Variants in PHEX observed in about 807,000 individuals in gnomAD.
The protein encoded by PHEX is phosphate-regulating neutral endopeptidase PHEX.
A neutral mutation model predicts 68.0 loss-of-function variants in PHEX; 16 were observed. The ratio of observed to expected loss-of-function variants is 0.24; its 90% CI spans 0.16 to 0.36. The LOEUF (loss-of-function observed/expected upper bound fraction) is 0.36, where lower values mean the gene tolerates loss of function less well. Ranked by LOEUF, PHEX falls within the 10% of genes least tolerant of loss-of-function variation. The pLI, the probability that PHEX is intolerant of heterozygous loss-of-function variation, is 1.00. For missense variants in PHEX, 480 were observed against 575.5 expected, an observed-to-expected ratio of 0.83 and a Z score of 1.70; for synonymous variants, 208 against 205.1, an observed-to-expected ratio of 1.01 and a Z score of -0.12.
At chrX:22,109,505 T>G (rs1930859323) in intron 9 of PHEX, among the ~76,000 whole-genome samples, 1 of 112,337 alleles carries the variant, frequency 8.9e-6, no homozygotes, top group South Asian at 3.7e-4. Flanking sequence ...GTGTGTATGC[T>G]GAAAAATATT....
At chrX:22,220,221 T>C (rs1028212526) in intron 17 of PHEX, among the ~76,000 whole-genome samples, 2 of 111,573 alleles carry the variant, frequency 1.8e-5, no homozygotes, top group African/African-American at 6.5e-5. Flanking sequence ...CAACGTTATA[T>C]AGAAGGGGAC....
chrX:22,240,361 T>C (rs1417575322), intron 20 of PHEX, among the ~76,000 whole-genome samples: 2 of 111,891 alleles, frequency 1.8e-5, no homozygotes, highest in Admixed American at 9.5e-5. Flanking sequence ...AGCAGCATAA[T>C]GACAGGATCA....
At chrX:22,216,844 T>C (rs1331710283) in intron 16 of PHEX, among the ~76,000 whole-genome samples, 1 of 111,807 alleles carries the variant, frequency 8.9e-6, no homozygotes, top group Non-Finnish European at 1.9e-5. Flanking sequence ...TTAAATACTC[T>C]TCATTGATAA....
intron 15 of PHEX, among the ~76,000 whole-genome samples, chrX:22,209,744 G>GCTCCCTCTGCTCCCTCTC (rs1934841591): frequency 2.9e-5 from 2 of 68,366 alleles, no homozygotes; most frequent in East Asian, 4.4e-4. Flanking sequence ...TGCTCCCTCT[G>GCTCCCTCTGCTCCCTCTC]CTCCCTCTCC....
chrX:22,195,409 C>T (rs754997561), intron 15 of PHEX, among the ~76,000 whole-genome samples: 7 of 109,778 alleles, frequency 6.4e-5, no homozygotes, highest in African/African-American at 1.0e-4. Flanking sequence ...GCCTGGCCGA[C>T]GTGGTGAAAC....
chrX:22,108,845 G>T (rs1164142997), intron 9 of PHEX, among the ~76,000 whole-genome samples: 1 of 109,172 alleles, frequency 9.2e-6, no homozygotes, highest in Non-Finnish European at 1.9e-5. Context: ...GGGAGGCTGA[G>T]GCAGGAGAAT....
chrX:22,038,056 T>C (rs765253410), intron 1 of PHEX, among the ~76,000 whole-genome samples: 105 of 111,079 alleles, frequency 9.5e-4, no homozygotes, highest in Non-Finnish European at 1.6e-3. Flanking sequence ...GGTGCTCATA[T>C]TTGAGCATGT....
rs1936535025 is a variant in PHEX at position 22,250,381 on chromosome X, T to A, written c.*2428T>A. On this transcript the variant is annotated 3_prime_UTR_variant, in exon 22 of 22. Coordinates refer to ENST00000379374, the MANE Select transcript of PHEX (RefSeq NM_000444.6). ...GTGGCTTTGAAGAGAAGACAGGATT[T>A]TGGCATTCCTTGCTAAGCACGTTCA... The A allele has an allele frequency of 8.9e-6, 1 of 111,813 alleles. No homozygotes were observed. Among genetic ancestry groups the A allele is most frequent in the South Asian group, 3.8e-4 (1 of 2,649 alleles). 9.2% of individuals were successfully genotyped at this position (111,813 alleles called of 1,213,427 possible). A position where few individuals can be genotyped will look rare whatever the true frequency, so the allele number is the denominator to read the frequency against.
intron 13 of PHEX, among the ~76,000 whole-genome samples, chrX:22,169,177 G>A (rs748240069): frequency 1.8e-5 from 2 of 111,965 alleles, no homozygotes; most frequent in South Asian, 7.5e-4. Context: ...ATCTGAAAAC[G>A]ATCCCAGCTT....
At chrX:22,045,630 C>G (rs1455691455) in intron 2 of PHEX, among the ~76,000 whole-genome samples, 1 of 112,705 alleles carries the variant, frequency 8.9e-6, no homozygotes, top group South Asian at 3.6e-4. Context: ...GTAGATCAGT[C>G]TATTGTGTCT....
At chrX:22,150,682 T>C (rs1268334632) in intron 12 of PHEX, among the ~76,000 whole-genome samples, 4 of 112,349 alleles carry the variant, frequency 3.6e-5, no homozygotes, top group Non-Finnish European at 7.5e-5. Flanking sequence ...TTTCCCTGTC[T>C]CAAGTTTTTG....
chrX:22,247,924 A>G lies in PHEX; in HGVS notation c.2221A>G (p.Arg741Gly), dbSNP rs1251868441. The G allele has an allele frequency of 8.3e-7, 1 of 1,207,844 alleles. No homozygotes were observed. Among genetic ancestry groups the G allele is most frequent in the Admixed American group, 2.2e-5 (1 of 46,075 alleles). Residue 741 changes from arginine (R) to glycine (G), a missense_variant, in exon 22 of 22, where the codon AGA (arginine) becomes GGA (glycine). By Grantham distance (125) the Arg-to-Gly change is moderately radical (BLOSUM62 -2). Transcript: ENST00000379374. Reference sequence around the variant, plus strand: ...CTGTCCACCCAATTCCACGATGAACAGAGGCATGGACTCCTGCCGACTCTG... The same window carrying G: ...CTGTCCACCCAATTCCACGATGAACGGAGGCATGGACTCCTGCCGACTCTG... The part of the protein sequence containing the change: ...FNCPPNSTMN[R>G]GMDSCRLW
chrX:22,205,441 C>G (rs1169702389), intron 15 of PHEX, among the ~76,000 whole-genome samples: 1 of 111,271 alleles, frequency 9.0e-6, no homozygotes, highest in African/African-American at 3.3e-5. Flanking sequence ...CATTGTGTTA[C>G]TACACTTACA....
rs140768440 is a variant in PHEX, at chrX:22,238,908, C to T, written c.2071-6425C>T. On this transcript the variant is annotated intron_variant, in intron 20 of 21. Transcript: ENST00000379374. Reference sequence around the variant, plus strand: ...TCAGACTGCCTCCTCAAGTGGGTCCCGGACCCCCGTGTATCCTGGCTGGGA... The same window carrying T: ...TCAGACTGCCTCCTCAAGTGGGTCCTGGACCCCCGTGTATCCTGGCTGGGA... Among the ~76,000 whole-genome samples, 417 of 111,751 alleles carry T rather than the reference C, an allele frequency of 3.7e-3. 2 individuals carry two copies. Among genetic ancestry groups the T allele is most frequent in the African/African-American group, 0.013 (387 of 30,817 alleles).
At chrX:22,233,834 C>G (rs1219959489) in intron 20 of PHEX, among the ~76,000 whole-genome samples, 1 of 110,970 alleles carries the variant, frequency 9.0e-6, no homozygotes, top group Non-Finnish European at 1.9e-5. Context: ...AAATCATTCT[C>G]CGTCCAGTTT....
At chrX:22,173,691 T>A (rs764139678) in intron 13 of PHEX, among the ~76,000 whole-genome samples, 1 of 111,115 alleles carries the variant, frequency 9.0e-6, no homozygotes, top group Non-Finnish European at 1.9e-5. Flanking sequence ...AGATATAAAA[T>A]ACGGATTCCA....
At chrX:22,096,267 G>A (rs1283484971) in intron 7 of PHEX, among the ~76,000 whole-genome samples, 1 of 112,692 alleles carries the variant, frequency 8.9e-6, no homozygotes, top group African/African-American at 3.2e-5. Context: ...CATTGCTGCT[G>A]TTCTTAGGTT....
At chrX:22,178,475 T>A (rs1282518881) in intron 14 of PHEX, 99 bp downstream of exon 14, 3 of 490,857 alleles carry the variant, frequency 6.1e-6, no homozygotes, top group Non-Finnish European at 1.0e-5. Context: ...TCAGAGTAGC[T>A]GGCTTGCCAG....
chrX:22,049,536 C>A (rs920693407), intron 3 of PHEX, among the ~76,000 whole-genome samples: 4 of 111,636 alleles, frequency 3.6e-5, no homozygotes, highest in Non-Finnish European at 7.5e-5. Flanking sequence ...AAAGAGTACT[C>A]TAAATTTCAT....
Sources: gnomAD v4.1 joint callset for allele counts (sites outside exome capture counted in the v4.1 genomes callset) on GRCh38, gnomAD v4.1.1 for gene constraint, MANE v1.5 for transcripts, NCBI Gene and HGNC (gene_info 2026-07-23, HGNC 2026-07-21) for gene names.